The following ERC2 variants were observed in gnomAD, a reference collection of about 807,000 sequenced individuals.
ERC2 encodes the protein ELKS/RAB6-interacting/CAST family member 2.
In ERC2, 42 loss-of-function variants were observed where a neutral mutation model predicts 114.8. That is an observed-to-expected ratio of 0.37 (90% confidence interval 0.29 to 0.47). ERC2 has a LOEUF of 0.47. ERC2 is among the 20% of genes least tolerant of loss of function. The pLI is 0.99. For synonymous variants in ERC2, 454 were observed against 425.5 expected, an observed-to-expected ratio of 1.07 and a Z score of -0.82; for missense variants, 939 against 1,150.7, an observed-to-expected ratio of 0.82 and a Z score of 2.66.
At chr3:56,315,799 T>C (rs2056836202) in intron 2 of ERC2, among the ~76,000 whole-genome samples, 1 of 151,746 alleles carries the variant, frequency 6.6e-6, no homozygotes, top group Non-Finnish European at 1.5e-5. Flanking sequence ...GGAACAGAGC[T>C]CACCTATCAA....
chr3:56,398,856 C>A (rs2060415147), intron 2 of ERC2, among the ~76,000 whole-genome samples: 1 of 152,166 alleles, frequency 6.6e-6, no homozygotes, highest in African/African-American at 2.4e-5. Flanking sequence ...TAGCCTCAGG[C>A]AATCCTCCCA....
intron 3 of ERC2, among the ~76,000 whole-genome samples, chr3:56,246,001 T>G (rs1367406230): frequency 6.6e-6 from 1 of 151,860 alleles, no homozygotes; most frequent in Non-Finnish European, 1.5e-5. Flanking sequence ...CCAGCTTTTA[T>G]GTCCTAAAGT....
intron 14 of ERC2, among the ~76,000 whole-genome samples, chr3:55,850,429 G>A (rs2061521817): frequency 6.6e-6 from 1 of 152,134 alleles, no homozygotes; most frequent in Non-Finnish European, 1.5e-5. Flanking sequence ...TACAATAACT[G>A]GAAGAAGTAA....
chr3:56,398,807 C>A (rs1260898308), intron 2 of ERC2, among the ~76,000 whole-genome samples: 1 of 152,126 alleles, frequency 6.6e-6, no homozygotes, highest in Non-Finnish European at 1.5e-5. Flanking sequence ...TTATTTGAGA[C>A]AGGATCTTGC....
At chr3:56,249,471 G>A (rs971656275) in intron 3 of ERC2, among the ~76,000 whole-genome samples, 42 of 151,778 alleles carry the variant, frequency 2.8e-4, no homozygotes, top group South Asian at 6.2e-4. Flanking sequence ...GACTACAGGC[G>A]CCCGCCACCA....
At chr3:55,979,462 T>C (rs1231925009) in intron 12 of ERC2, among the ~76,000 whole-genome samples, 2 of 152,184 alleles carry the variant, frequency 1.3e-5, no homozygotes, top group Non-Finnish European at 2.9e-5. Flanking sequence ...ATATTCACCA[T>C]TATGTCTTCA....
intron 14 of ERC2, among the ~76,000 whole-genome samples, chr3:55,783,275 C>G (rs913463148): frequency 6.6e-6 from 1 of 152,194 alleles, no homozygotes; most frequent in African/African-American, 2.4e-5. Flanking sequence ...GCCAGCTTAG[C>G]CACTCCCTGG....
At chr3:56,174,646 C>T (rs1437615160) in intron 3 of ERC2, among the ~76,000 whole-genome samples, 1 of 152,178 alleles carries the variant, frequency 6.6e-6, no homozygotes, top group East Asian at 1.9e-4. Flanking sequence ...ATTAACTCTA[C>T]CTCCACCATT....
chr3:56,404,547 T>C lies in ERC2; in HGVS notation c.657+29804A>G, dbSNP rs548596480. Reference sequence around the variant, plus strand: ...CAGGGTGATTATAGTCAATAATAATTGTACATTTTAAAATAGCTAAGAGTA... The same window carrying C: ...CAGGGTGATTATAGTCAATAATAATCGTACATTTTAAAATAGCTAAGAGTA... On this transcript the variant is annotated intron_variant, in intron 2 of 17. Transcript: ENST00000288221. 2.6e-5 allele frequency among the ~76,000 whole-genome samples: 4 copies of C among 152,282 alleles called. No homozygotes were observed. In the East Asian group the frequency reaches 5.8e-4, roughly 22 times the overall value.
At chr3:55,931,515 C>T (rs987983401) in intron 13 of ERC2, among the ~76,000 whole-genome samples, 1 of 152,106 alleles carries the variant, frequency 6.6e-6, no homozygotes, top group African/African-American at 2.4e-5. Context: ...GAAAACCAAA[C>T]AGCACATGTT....
At chr3:56,340,202 TTATTA>T (rs1316250608) in intron 2 of ERC2, among the ~76,000 whole-genome samples, 2 of 152,204 alleles carry the variant, frequency 1.3e-5, no homozygotes, top group African/African-American at 4.8e-5. Flanking sequence ...TGTTTTGACT[TTATTA>T]TATTATCTCT....
At chr3:55,633,037 C>T (rs1373651924) in intron 17 of ERC2, among the ~76,000 whole-genome samples, 2 of 152,170 alleles carry the variant, frequency 1.3e-5, no homozygotes, top group East Asian at 3.8e-4. Flanking sequence ...AGCCTTATTG[C>T]CTATTATCTC....
intron 14 of ERC2, among the ~76,000 whole-genome samples, chr3:55,857,065 G>A (rs2061820005): frequency 6.6e-6 from 1 of 151,982 alleles, no homozygotes; most frequent in African/African-American, 2.4e-5. Context: ...TTTTGGGGGT[G>A]GGGGTGGTTC....
chr3:56,387,282 C>T (rs2059967432), intron 2 of ERC2, among the ~76,000 whole-genome samples: 1 of 152,098 alleles, frequency 6.6e-6, no homozygotes. Flanking sequence ...TGTTATAGAG[C>T]CCCAAAACCT....
intron 13 of ERC2, among the ~76,000 whole-genome samples, chr3:55,900,639 A>G (rs555526844): frequency 6.6e-6 from 1 of 152,186 alleles, no homozygotes; most frequent in Non-Finnish European, 1.5e-5. Flanking sequence ...GGATCCTTGC[A>G]TCACAAGATC....
chr3:56,261,829 C>T (rs1431873571), intron 3 of ERC2, among the ~76,000 whole-genome samples: 1 of 151,962 alleles, frequency 6.6e-6, no homozygotes, highest in Non-Finnish European at 1.5e-5. Context: ...GTCTAGTATC[C>T]ATTATTTATT....
At chr3:55,600,690 C>T (rs541279142) in intron 17 of ERC2, among the ~76,000 whole-genome samples, 1 of 152,350 alleles carries the variant, frequency 6.6e-6, no homozygotes, top group South Asian at 2.1e-4. Flanking sequence ...GAATAGAAGC[C>T]TAGAAGAGTG....
intron 3 of ERC2, among the ~76,000 whole-genome samples, chr3:56,262,768 T>A (rs2053027110): frequency 6.6e-6 from 1 of 152,234 alleles, no homozygotes; most frequent in Non-Finnish European, 1.5e-5. Flanking sequence ...TTCCTCTCAT[T>A]ACATATACAA....
At chr3:56,159,961 G>A (rs1159442654) in intron 4 of ERC2, among the ~76,000 whole-genome samples, 2 of 152,216 alleles carry the variant, frequency 1.3e-5, no homozygotes, top group African/African-American at 2.4e-5. Context: ...ATACTGTTGC[G>A]ATGAACATTT....
Sources: gnomAD v4.1 joint callset for allele counts (sites outside exome capture counted in the v4.1 genomes callset) on GRCh38, gnomAD v4.1.1 for gene constraint, MANE v1.5 for transcripts, NCBI Gene and HGNC (gene_info 2026-07-23, HGNC 2026-07-21) for gene names.